TLL2: variants seen among roughly 807,000 people sequenced by gnomAD.
TLL2 encodes the protein tolloid-like protein 2.
TLL2 carries 106 observed loss-of-function variants against 123.0 expected under a neutral mutation model. The ratio of observed to expected loss-of-function variants is 0.86; its 90% confidence interval spans 0.74 to 1.01. The LOEUF (loss-of-function observed/expected upper bound fraction) is 1.01, where lower values mean the gene tolerates loss of function less well. TLL2 is among the 50% of genes least tolerant of loss of function. The pLI is 0.00. For missense variants in TLL2, 1,332 were observed against 1,336.7 expected (o/e 1.00, Z 0.06); for synonymous variants, 494 against 516.8 (o/e 0.96, Z 0.60).
intron 9 of TLL2, among the ~76,000 whole-genome samples, chr10:96,406,937 C>T (rs1433669124): frequency 6.6e-6 from 1 of 152,082 alleles, no homozygotes; most frequent in South Asian, 2.1e-4. Flanking sequence ...TCCCCTCTAA[C>T]CCCATCTCGC....
intron 2 of TLL2, among the ~76,000 whole-genome samples, chr10:96,463,207 A>G (rs373892039): frequency 6.6e-6 from 1 of 152,254 alleles, no homozygotes; most frequent in Non-Finnish European, 1.5e-5. Flanking sequence ...TCCCGAAGCC[A>G]GCACTGATGG....
At chr10:96,425,227 A>G (rs1331124492) in intron 5 of TLL2, among the ~76,000 whole-genome samples, 1 of 151,210 alleles carries the variant, frequency 6.6e-6, no homozygotes, top group African/African-American at 2.4e-5. Flanking sequence ...GTTTGGTTAG[A>G]CCATTAGATA....
chr10:96,497,633 C>T (rs1157567888), intron 1 of TLL2, among the ~76,000 whole-genome samples: 1 of 152,218 alleles, frequency 6.6e-6, no homozygotes, highest in Non-Finnish European at 1.5e-5. Flanking sequence ...CCAGTTCCAG[C>T]TCCAGTAGCA....
At chr10:96,391,571 G>T (rs11597420) in intron 13 of TLL2, among the ~76,000 whole-genome samples, 1 of 152,070 alleles carries the variant, frequency 6.6e-6, no homozygotes, top group Admixed American at 6.5e-5. Context: ...CCAGGTTCTA[G>T]TTCCAGCCCA....
rs551412385 is a variant in TLL2, at chr10:96,474,951, G to C, written c.286+5398C>G. ...CCTCTGTCTTCACATGGCCTTCTCT[G>C]TCTGTCCTCTTCTTTTCCTATAAGC... On this transcript the variant is annotated intron_variant, in intron 2 of 20. Transcript: ENST00000357947. Among the ~76,000 whole-genome samples the C allele has an allele frequency of 1.8e-3, 269 of 152,264 alleles. 1 individual carries two copies. Among genetic ancestry groups the C allele is most frequent in the African/African-American group, 6.2e-3 (258 of 41,550 alleles).
rs1466849863 is a variant in TLL2, at chr10:96,476,216, T to TTATATA, written c.286+4132_286+4133insTATATA. ...ATAAAGGTGTGGTTCCTTTTTAATT[T>TTATATA]TATATGTATATATATATATATATAT... On this transcript the variant is annotated intron_variant, in intron 2 of 20. Coordinates refer to ENST00000357947, the MANE Select transcript of TLL2 (RefSeq NM_012465.4). Among the ~76,000 whole-genome samples, 21 of 33,326 alleles carry TTATATA rather than the reference T, an allele frequency of 6.3e-4. 3 individuals carry two copies. Among genetic ancestry groups the TTATATA allele is most frequent in the African/African-American group, 7.0e-4 (8 of 11,444 alleles). The allele number at this position is 33,326 out of a possible 152,430, so 21.9% of individuals were successfully genotyped here.
At chr10:96,467,258 C>T (rs955863793) in intron 2 of TLL2, among the ~76,000 whole-genome samples, 10 of 152,242 alleles carry the variant, frequency 6.6e-5, no homozygotes, top group South Asian at 2.1e-4. Context: ...AGTGGCTCAC[C>T]GCAGCCTGGA....
chr10:96,382,816 G>C (rs2134056164), intron 16 of TLL2, among the ~76,000 whole-genome samples: 1 of 152,324 alleles, frequency 6.6e-6, no homozygotes, highest in Non-Finnish European at 1.5e-5. Flanking sequence ...TACCTAGTCT[G>C]TGGTACTCTG....
chr10:96,456,023 C>T (rs1023167157), intron 2 of TLL2, among the ~76,000 whole-genome samples: 1 of 152,192 alleles, frequency 6.6e-6, no homozygotes. Context: ...AGCATTTCCT[C>T]ATTTAGTTCT....
chr10:96,397,405 G>A (rs1846352767), intron 10 of TLL2, 103 bp from the exon 11 acceptor site: 3 of 785,488 alleles, frequency 3.8e-6, no homozygotes, highest in Admixed American at 2.6e-5. Context: ...GGTTTGAAGT[G>A]AGCAATAACC....
At chr10:96,431,483 A>T (rs2134080364) in intron 4 of TLL2, among the ~76,000 whole-genome samples, 1 of 152,268 alleles carries the variant, frequency 6.6e-6, no homozygotes, top group East Asian at 1.9e-4. Flanking sequence ...ACAGAGCCAC[A>T]GGGAGGGGAA....
intron 1 of TLL2, among the ~76,000 whole-genome samples, chr10:96,498,676 A>G (rs1157769612): frequency 2.0e-5 from 3 of 152,222 alleles, no homozygotes; most frequent in Non-Finnish European, 4.4e-5. Context: ...ATGAAGCACA[A>G]GTGACAAATG....
chr10:96,511,777 C>T (rs1332601533), intron 1 of TLL2, among the ~76,000 whole-genome samples: 6 of 152,236 alleles, frequency 3.9e-5, no homozygotes, highest in African/African-American at 9.6e-5. Context: ...TTCCCCACTC[C>T]GGGCCTCAGC....
At chr10:96,458,535 C>T (rs575711578) in intron 2 of TLL2, among the ~76,000 whole-genome samples, 8 of 136,752 alleles carry the variant, frequency 5.9e-5, no homozygotes, top group Non-Finnish European at 1.1e-4. Flanking sequence ...TGCAGTGAGC[C>T]GAGATTGCGC....
At chr10:96,496,267 C>T (rs1847474209) in intron 1 of TLL2, among the ~76,000 whole-genome samples, 1 of 152,206 alleles carries the variant, frequency 6.6e-6, no homozygotes, top group Non-Finnish European at 1.5e-5. Context: ...TACAGAGGGT[C>T]AACAGAAATG....
chr10:96,445,646 AG>A (rs2134087016), intron 3 of TLL2, among the ~76,000 whole-genome samples: 1 of 152,274 alleles, frequency 6.6e-6, no homozygotes, highest in South Asian at 2.1e-4. Context: ...CCAGGTCTTC[AG>A]GGGCTTCAAC....
At chr10:96,399,149 G>A (rs1442818777) in intron 10 of TLL2, among the ~76,000 whole-genome samples, 2 of 152,138 alleles carry the variant, frequency 1.3e-5, no homozygotes, top group Non-Finnish European at 2.9e-5. Context: ...GGGTTTACAG[G>A]CATGAGCCAC....
chr10:96,479,474 G>A (rs2134103872), intron 2 of TLL2, among the ~76,000 whole-genome samples: 1 of 152,342 alleles, frequency 6.6e-6, no homozygotes. Flanking sequence ...GCCTGGAAGA[G>A]GGGTTGCCTG....
intron 1 of TLL2, among the ~76,000 whole-genome samples, chr10:96,485,555 T>C (rs1847348028): frequency 6.6e-6 from 1 of 152,214 alleles, no homozygotes; most frequent in African/African-American, 2.4e-5. Context: ...AAAGCATCAG[T>C]CATTAGGGAA....
Sources: allele counts gnomAD v4.1 joint callset (sites outside exome capture counted in the v4.1 genomes callset), GRCh38; gene constraint gnomAD v4.1.1; transcripts MANE v1.5; gene names NCBI Gene and HGNC (gene_info 2026-07-23, HGNC 2026-07-21).